Variants in LOXL4 observed in about 807,000 individuals in gnomAD.
LOXL4 encodes the protein lysyl oxidase homolog 4.
A neutral mutation model predicts 89.1 loss-of-function variants in LOXL4; 72 were observed. The ratio of observed to expected loss-of-function variants is 0.81; its 90% confidence interval spans 0.67 to 0.98. The LOEUF (loss-of-function observed/expected upper bound fraction) is 0.98. LOXL4 is among the 50% of genes least tolerant of loss of function. LOXL4 has a pLI of 0.00. For missense variants in LOXL4, 984 were observed against 1,017.5 expected (o/e 0.97, Z 0.45); for synonymous variants, 355 against 392.1 (o/e 0.91, Z 1.12).
intron 8 of LOXL4, 116 bp from the exon 9 acceptor site, chr10:98,257,063 C>T: frequency 8.2e-7 from 1 of 1,221,992 alleles, no homozygotes; most frequent in South Asian, 1.5e-5. Flanking sequence ...CAAGACAGTC[C>T]CCTTCTCTGC....
intron 14 of LOXL4, 103 bp from the exon 15 acceptor site, chr10:98,249,094 A>C: frequency 1.2e-6 from 1 of 859,116 alleles, no homozygotes; most frequent in Non-Finnish European, 1.9e-6. Flanking sequence ...CTTTATATCA[A>C]GTCATGGCAT....
chr10:98,255,862 C>T (rs932045175), intron 9 of LOXL4, 123 bp from the exon 10 acceptor site: 30 of 1,209,260 alleles, frequency 2.5e-5, no homozygotes, highest in Non-Finnish European at 3.3e-5. Context: ...GCCTGAAAAT[C>T]TTCAGTGATG....
chr10:98,248,948 T>C lies in LOXL4; in HGVS notation c.2244A>G (p.Glu748=), dbSNP rs1858111587. Reference sequence around the variant, plus strand: ...AGATGAGGTTGTTCCTGAGACGCTGTTCCTGCTCCAGGGAGAGTTCTGCAT... The same window carrying C: ...AGATGAGGTTGTTCCTGAGACGCTGCTCCTGCTCCAGGGAGAGTTCTGCAT... ...PANAELSLEQ[E]QRLRNNLI The change falls in exon 15 of 15, where the codon GAA becomes GAG. Residue 748 remains glutamate (E), a synonymous_variant. Coordinates refer to ENST00000260702, the MANE Select transcript of LOXL4 (RefSeq NM_032211.7). 1 of 1,613,842 alleles carries C rather than the reference T, an allele frequency of 6.2e-7. No homozygotes were observed. The highest frequency in any genetic ancestry group is 1.7e-5 in the Admixed American group (1 of 59,990).
intron 5 of LOXL4, 45 bp from the exon 6 acceptor site, chr10:98,259,273 G>A (rs1858473542): frequency 2.5e-6 from 4 of 1,589,514 alleles, no homozygotes; most frequent in Non-Finnish European, 3.4e-6. Context: ...GCTGAGGGAA[G>A]AGCTTCAGGA....
intron 5 of LOXL4, 42 bp downstream of exon 5, chr10:98,259,349 C>T: frequency 3.7e-6 from 6 of 1,607,756 alleles, no homozygotes; most frequent in East Asian, 4.5e-5. Flanking sequence ...GCCCTTCATG[C>T]CACACCCCTT....
In LOXL4 at chr10:98,260,981, C is replaced by T. The variant is rs771811513; in HGVS notation, c.603G>A (p.Arg201=). 3 of 1,614,006 alleles carry T rather than the reference C, an allele frequency of 1.9e-6. No individual in the cohort carries two copies. The highest frequency in any genetic ancestry group is 2.5e-6 in the Non-Finnish European group (3 of 1,180,032). ...CDQGWTMNNS[R]VVCGMLGFPS... ...GGAAGCCCAGCATCCCGCACACCAC[C>T]CTGCTGTTGTTCATGGTCCAGCCCT... The change falls in exon 4 of 15, where the codon AGG becomes AGA. Residue 201 remains arginine, a synonymous_variant. Transcript: ENST00000260702.
chr10:98,255,424 G>A (rs1858330421), intron 10 of LOXL4, among the ~76,000 whole-genome samples, 153 bp downstream of exon 10: 1 of 152,058 alleles, frequency 6.6e-6, no homozygotes, highest in South Asian at 2.1e-4. Flanking sequence ...CTGATGGGAT[G>A]GGTGATTTGG....
intron 1 of LOXL4, among the ~76,000 whole-genome samples, chr10:98,266,177 G>C (rs1858680916): frequency 1.3e-5 from 2 of 152,158 alleles, no homozygotes; most frequent in South Asian, 4.1e-4. Flanking sequence ...ATCGGCCTCA[G>C]GTCCCTCAGC....
chr10:98,253,173 C>G (rs559651057), intron 11 of LOXL4, among the ~76,000 whole-genome samples: 1 of 152,238 alleles, frequency 6.6e-6, no homozygotes, highest in African/African-American at 2.4e-5. Context: ...AGCCAGCACC[C>G]TGGATGGGAT....
intron 1 of LOXL4, among the ~76,000 whole-genome samples, chr10:98,266,374 C>T (rs80312161): frequency 0.028 from 4,286 of 152,264 alleles, 194 homozygotes; most frequent in African/African-American, 0.092. Flanking sequence ...CCCCCCTATC[C>T]GACATGCTCT....
At chr10:98,267,061 A>G (rs1419392225) in intron 1 of LOXL4, among the ~76,000 whole-genome samples, 1 of 152,154 alleles carries the variant, frequency 6.6e-6, no homozygotes, top group Non-Finnish European at 1.5e-5. Flanking sequence ...ATAACTATAC[A>G]TTTTAAAATA....
intron 1 of LOXL4, among the ~76,000 whole-genome samples, chr10:98,263,847 C>T (rs1858612253): frequency 1.3e-5 from 2 of 151,712 alleles, no homozygotes; most frequent in South Asian, 4.2e-4. Flanking sequence ...TTCTCTGCCT[C>T]ATCCTCCTGA....
At chr10:98,265,730 G>C (rs986920958) in intron 1 of LOXL4, among the ~76,000 whole-genome samples, 1 of 152,206 alleles carries the variant, frequency 6.6e-6, no homozygotes, top group African/African-American at 2.4e-5. Flanking sequence ...TACTGTGACA[G>C]CGACGATAGA....
intron 12 of LOXL4, chr10:98,251,965 T>G: frequency 1.9e-6 from 1 of 526,000 alleles, no homozygotes; most frequent in Non-Finnish European, 3.4e-6. Flanking sequence ...TACTTGTGCA[T>G]CCGCCTATCC....
At chr10:98,257,235 C>A (rs1357381199) in intron 8 of LOXL4, among the ~76,000 whole-genome samples, 1 of 152,130 alleles carries the variant, frequency 6.6e-6, no homozygotes, top group Non-Finnish European at 1.5e-5. Context: ...AAAGGGCTTT[C>A]ATGTCCCTTG....
Position 98,262,900 on chromosome 10 carries a change from C to T in LOXL4, c.120G>A (p.Lys40=). 1 of 1,613,656 alleles carries T rather than the reference C, an allele frequency of 6.2e-7. No individual in the cohort carries two copies. Among genetic ancestry groups the T allele is most frequent in the Non-Finnish European group, 8.5e-7 (1 of 1,180,040 alleles). The change falls in exon 2 of 15, where the codon AAG becomes AAA. Residue 40 remains lysine, a synonymous_variant. Coordinates refer to ENST00000260702, the MANE Select transcript of LOXL4 (RefSeq NM_032211.7). ...GCACCTCCAGGCGGCCCTCCTCTGG[C>T]TTGCTCTCTGGGCCCACCAGCCGGA... ...TKLRLVGPES[K]PEEGRLEVLH... is the part of the protein sequence containing the mutation.
At chr10:98,251,439 G>T in intron 13 of LOXL4, 127 bp downstream of exon 13, 3 of 1,307,676 alleles carry the variant, frequency 2.3e-6, no homozygotes, top group Non-Finnish European at 2.1e-6. Flanking sequence ...TAACAGGACA[G>T]CTCCTTTAAG....
In LOXL4 at chr10:98,257,765, C is replaced by A. The variant is rs1487295931; in HGVS notation, c.1145G>T (p.Gly382Val). ...PIHLSEVRCR[G>V]YERTLSDCPA... ...GCAGTCGCTGAGGGTCCGCTCATAT[C>A]CCCTGCAGCGCACCTCACTCAGGTG... The change falls in exon 8 of 15, where the codon GGA (glycine) becomes GTA (valine). Residue 382 changes from glycine to valine, a missense_variant. By Grantham distance (109) the Gly-to-Val change is moderately radical (BLOSUM62 -3). Transcript: ENST00000260702. 6.2e-7 allele frequency: 1 copy of A among 1,614,040 alleles called. No individual in the cohort carries two copies.
Position 98,253,796 on chromosome 10 carries a change from C to T in LOXL4, c.1592G>A (p.Ser531Asn), listed in dbSNP as rs781655197. Residue 531 changes from serine (S) to asparagine (N), a missense_variant and splice_region_variant, in exon 11 of 15, where the codon AGT (serine) becomes AAT (asparagine). Physicochemically the swap from Ser to Asn is conservative, Grantham distance 46 (BLOSUM62 1). Transcript: ENST00000260702. ...RFLAGVSCMDSAPDLVMNAQL... is the reference protein window; with the variant it reads ...RFLAGVSCMDNAPDLVMNAQL... The stretch of plus-strand genomic sequence containing the variant: ...GGCGTTCATCACCAGGTCTGGTGCA[C>T]CTGGGGCGGCGGAGGGCATGGCAGT... The T allele has an allele frequency of 6.8e-6, 11 of 1,613,676 alleles. No individual in the cohort carries two copies. The African/African-American group carries it at 1.5e-4, about 22-fold the overall frequency.
Sources: gnomAD v4.1 joint callset for allele counts (sites outside exome capture counted in the v4.1 genomes callset) on GRCh38, gnomAD v4.1.1 for gene constraint, MANE v1.5 for transcripts, NCBI Gene and HGNC (gene_info 2026-07-23, HGNC 2026-07-21) for gene names.